The following SIK2 variants were observed in gnomAD, a reference collection of about 807,000 sequenced individuals.
The protein encoded by SIK2 is salt inducible kinase 2.
In SIK2, 29 loss-of-function variants were observed where a neutral mutation model predicts 103.2. The ratio of observed to expected loss-of-function variants is 0.28; its 90% confidence interval spans 0.21 to 0.38. The LOEUF (loss-of-function observed/expected upper bound fraction) is 0.38, where lower values mean the gene tolerates loss of function less well. Ranked by LOEUF, SIK2 falls within the 10% of genes least tolerant of loss-of-function variation. SIK2 has a pLI of 1.00. For missense variants in SIK2, 879 were observed against 1,171.0 expected (o/e 0.75, Z 3.64); for synonymous variants, 412 against 446.1 (o/e 0.92, Z 0.96).
chr11:111,642,511 A>C (rs1459517221), intron 3 of SIK2, among the ~76,000 whole-genome samples: 1 of 152,174 alleles, frequency 6.6e-6, no homozygotes, highest in East Asian at 1.9e-4. Flanking sequence ...GGGGGAGGGC[A>C]GAGCTTCCAT....
chr11:111,718,958 CA>C (rs1157265599), intron 9 of SIK2: 6 of 152,270 alleles, frequency 3.9e-5, no homozygotes, highest in African/African-American at 1.4e-4. Context: ...TGCCATTAGG[CA>C]GTGTGCGTGG....
intron 1 of SIK2, among the ~76,000 whole-genome samples, chr11:111,609,106 A>G (rs1483558286): frequency 6.6e-6 from 1 of 151,640 alleles, no homozygotes; most frequent in Non-Finnish European, 1.5e-5. Context: ...GATGATTTGC[A>G]TTCCTTTTAT....
chr11:111,677,625 ACAGGGTTTCGCCAGGCTAGTC>A (rs1942721551), intron 3 of SIK2, among the ~76,000 whole-genome samples: 1 of 138,784 alleles, frequency 7.2e-6, no homozygotes, highest in South Asian at 2.2e-4. Context: ...TTTGGTAGAG[ACAGGGTTTCGCCAGGCTAGTC>A]TCGAACCCCT....
chr11:111,602,530 C>T lies in SIK2; in HGVS notation c.-34C>T, dbSNP rs1432386868. On this transcript the variant is annotated 5_prime_UTR_variant, in exon 1 of 15. Coordinates refer to ENST00000304987, the MANE Select transcript of SIK2 (RefSeq NM_015191.3). This position sits in a 1 kb window ranked among gnomAD's most constrained non-coding sequence, Gnocchi z 4.5. ...CTGCCAACCCTCCCGCCCGCCCGCG[C>T]TCCTGTCCGCCGTGTCTAGCAGCGG... 5 of 1,461,930 alleles carry T rather than the reference C, an allele frequency of 3.4e-6. No individual in the cohort carries two copies. Among genetic ancestry groups the T allele is most frequent in the Non-Finnish European group, 4.5e-6 (5 of 1,107,456 alleles). The allele number at this position is 1,461,930 out of a possible 1,614,324, so 90.6% of individuals were successfully genotyped here.
intron 3 of SIK2, among the ~76,000 whole-genome samples, chr11:111,634,640 T>C (rs552950827): frequency 9.2e-5 from 14 of 152,322 alleles, no homozygotes; most frequent in Admixed American, 7.2e-4. Context: ...TCCATATTAC[T>C]ATCAAATTGA....
chr11:111,723,604 C>G lies in SIK2; in HGVS notation c.2256C>G (p.Pro752=). The G allele has an allele frequency of 6.2e-7, 1 of 1,614,008 alleles. No homozygotes were observed. The highest frequency in any genetic ancestry group is 8.5e-7 in the Non-Finnish European group (1 of 1,179,996). Reference sequence around the variant, plus strand: ...ACCCACAGCCAAGTCAGCAGCTGCCCCTTCCCCGCCAGGAGACTCCACCGC... The same window carrying G: ...ACCCACAGCCAAGTCAGCAGCTGCCGCTTCCCCGCCAGGAGACTCCACCGC... ...SSYPQPSQQL[P]LPRQETPPPS... is the part of the protein sequence containing the mutation. Residue 752 remains proline (P), a synonymous_variant, in exon 15 of 15, where the codon CCC becomes CCG. Transcript: ENST00000304987.
rs1479864811 is a variant in SIK2, at chr11:111,730,119, A to G, written c.*5990A>G. 6.6e-6 allele frequency: 1 copy of G among 152,264 alleles called. No individual in the cohort carries two copies. The highest frequency in any genetic ancestry group is 1.5e-5 in the Non-Finnish European group (1 of 68,050). 9.4% of individuals were successfully genotyped at this position (152,264 alleles called of 1,614,324 possible). The stretch of plus-strand genomic sequence containing the variant: ...TGCTTATTACTTTTAGGATTAAAAA[A>G]GTAATAACAGACTTTGACTTAATAC... On this transcript the variant is annotated 3_prime_UTR_variant, in exon 15 of 15. Coordinates refer to ENST00000304987, the MANE Select transcript of SIK2 (RefSeq NM_015191.3).
At chr11:111,640,573 A>G (rs1327747070) in intron 3 of SIK2, among the ~76,000 whole-genome samples, 1 of 152,164 alleles carries the variant, frequency 6.6e-6, no homozygotes, top group Non-Finnish European at 1.5e-5. Context: ...TCATTCAAGA[A>G]ATAATGACTG....
At position 111,727,342 on chromosome 11, in the gene SIK2, A is replaced by G. The variant is rs1944006101; in HGVS notation, c.*3213A>G. 2.1e-6 allele frequency: 1 copy of G among 465,342 alleles called. No homozygotes were observed. The highest frequency in any genetic ancestry group is 3.4e-5 in the Admixed American group (1 of 29,380). 28.8% of individuals were successfully genotyped at this position (465,342 alleles called of 1,614,324 possible). ...CATCCACTTTTGCCTCCTAGGAAAGAAAAAGTCAGTGGCCCTTTCTTCCTC... is the reference window on the plus strand; with the variant it reads ...CATCCACTTTTGCCTCCTAGGAAAGGAAAAGTCAGTGGCCCTTTCTTCCTC... On this transcript the variant is annotated 3_prime_UTR_variant, in exon 15 of 15. Coordinates refer to ENST00000304987, the MANE Select transcript of SIK2 (RefSeq NM_015191.3).
At chr11:111,668,173 GTAA>G (rs1942573079) in intron 3 of SIK2, among the ~76,000 whole-genome samples, 1 of 99,496 alleles carries the variant, frequency 1.0e-5, no homozygotes, top group Non-Finnish European at 2.0e-5. Flanking sequence ...AATAACTAAA[GTAA>G]GGAGTGTGTG....
intron 3 of SIK2, among the ~76,000 whole-genome samples, chr11:111,659,940 C>T (rs1190291496): frequency 6.6e-6 from 1 of 152,202 alleles, no homozygotes; most frequent in Non-Finnish European, 1.5e-5. Context: ...TCAGCTTTAT[C>T]TTTAGTAAAA....
intron 3 of SIK2, among the ~76,000 whole-genome samples, chr11:111,647,635 G>A (rs1332626860): frequency 1.3e-5 from 2 of 150,282 alleles, no homozygotes; most frequent in African/African-American, 4.9e-5. Flanking sequence ...GGAGGCTGAG[G>A]CAGGTAGATC....
At chr11:111,668,258 TC>T (rs1942576746) in intron 3 of SIK2, among the ~76,000 whole-genome samples, 1 of 152,078 alleles carries the variant, frequency 6.6e-6, no homozygotes, top group Non-Finnish European at 1.5e-5. Flanking sequence ...GAGAGACACT[TC>T]CGTGTAAATG....
intron 3 of SIK2, among the ~76,000 whole-genome samples, chr11:111,658,507 C>T (rs1392534364): frequency 6.6e-6 from 1 of 152,138 alleles, no homozygotes; most frequent in East Asian, 1.9e-4. Flanking sequence ...CTTTGGGAGG[C>T]CGAGGCAGGC....
At chr11:111,713,409 C>A (rs1591639844) in intron 9 of SIK2, among the ~76,000 whole-genome samples, 1 of 152,140 alleles carries the variant, frequency 6.6e-6, no homozygotes, top group East Asian at 1.9e-4. Flanking sequence ...GGCCACGTAA[C>A]AAAACTCTTT....
At chr11:111,706,068 G>C (rs1691716507) in intron 8 of SIK2, among the ~76,000 whole-genome samples, 1 of 152,230 alleles carries the variant, frequency 6.6e-6, no homozygotes, top group South Asian at 2.1e-4. Context: ...GCCACTTCCT[G>C]CTATGTGACA....
intron 9 of SIK2, among the ~76,000 whole-genome samples, chr11:111,715,731 A>G (rs933095782): frequency 1.3e-5 from 2 of 150,220 alleles, no homozygotes; most frequent in Non-Finnish European, 3.0e-5. Flanking sequence ...TACTTCAAGT[A>G]TCTCTTTTTA....
chr11:111,689,913 A>G (rs1399342977), intron 4 of SIK2, among the ~76,000 whole-genome samples: 1 of 151,414 alleles, frequency 6.6e-6, no homozygotes, highest in Non-Finnish European at 1.5e-5. Flanking sequence ...TTTTTTTCTA[A>G]TGGGATTGCC....
At chr11:111,673,681 T>C (rs1458961581) in intron 3 of SIK2, among the ~76,000 whole-genome samples, 1 of 152,262 alleles carries the variant, frequency 6.6e-6, no homozygotes, top group African/African-American at 2.4e-5. Context: ...CTAGAAATTA[T>C]AGGGTAAGAG....
Sources: gnomAD v4.1 joint callset for allele counts (sites outside exome capture counted in the v4.1 genomes callset) on GRCh38, gnomAD v4.1.1 for gene constraint, Gnocchi (gnomAD v3.1) non-coding constraint, MANE v1.5 for transcripts, NCBI Gene and HGNC (gene_info 2026-07-23, HGNC 2026-07-21) for gene names.